Variants in LASP1 observed in about 807,000 individuals in gnomAD.
LASP1 encodes the protein LIM and SH3 domain protein 1.
A neutral mutation model predicts 38.6 loss-of-function variants in LASP1; 10 were observed. The ratio of observed to expected loss-of-function variants is 0.26; its 90% confidence interval spans 0.16 to 0.44. The LOEUF (loss-of-function observed/expected upper bound fraction) is 0.44. Among genes scored for constraint, LASP1 ranks in the 20% least tolerant of loss-of-function variants. The probability of loss-of-function intolerance (pLI) is 1.00; values close to 1 mark genes in which losing one functional copy is unlikely to be tolerated. For missense variants in LASP1, 243 were observed against 375.7 expected (o/e 0.65, Z 2.92); for synonymous variants, 132 against 140.8 (o/e 0.94, Z 0.44).
intron 2 of LASP1, among the ~76,000 whole-genome samples, chr17:38,887,962 T>A (rs1914192664): frequency 6.6e-6 from 1 of 151,860 alleles, no homozygotes. Context: ...TAGGAAGAGG[T>A]CCCAGGAGGC....
At chr17:38,882,287 G>A (rs1400388873) in intron 2 of LASP1, among the ~76,000 whole-genome samples, 7 of 152,132 alleles carry the variant, frequency 4.6e-5, no homozygotes, top group African/African-American at 1.2e-4. Flanking sequence ...AGTCTCTGTC[G>A]CTCAGGCTGG....
rs1338229522 is a variant in LASP1 at position 38,920,358 on chromosome 17, A to G, written c.*1580A>G. 2.0e-5 allele frequency: 7 copies of G among 349,328 alleles called. No individual in the cohort carries two copies. In the South Asian group the frequency reaches 2.7e-4, roughly 14 times the overall value. The allele number at this position is 349,328 out of a possible 1,614,324, so 21.6% of individuals were successfully genotyped here. ...CAAGAAAGAGGGTCCCAGGGCTGCA[A>G]AACTGGAAGCACAGCCTCGGGGATG... On this transcript the variant is annotated 3_prime_UTR_variant, in exon 7 of 7. Coordinates refer to ENST00000318008, the MANE Select transcript of LASP1 (RefSeq NM_006148.4).
At chr17:38,914,980 A>C (rs764866550) in intron 5 of LASP1, 63 bp from the exon 6 acceptor site, 1 of 1,502,552 alleles carries the variant, frequency 6.7e-7, no homozygotes, top group Non-Finnish European at 9.2e-7. Context: ...ACTTCTCGGG[A>C]GCTCTGGGAG....
intron 3 of LASP1, among the ~76,000 whole-genome samples, chr17:38,892,919 A>G (rs774686892): frequency 2.6e-5 from 4 of 152,088 alleles, no homozygotes; most frequent in Non-Finnish European, 5.9e-5. Context: ...GTCACTCTTC[A>G]TTAGGGCCTC....
Position 38,902,372 on chromosome 17 carries a change from C to CTTTT in LASP1, c.357+3873_357+3876dup, listed in dbSNP as rs34801327. 1.1e-4 allele frequency among the ~76,000 whole-genome samples: 9 copies of CTTTT among 84,288 alleles called. No homozygotes were observed. In the East Asian group the frequency reaches 1.5e-3, roughly 14 times the overall value. 55.3% of individuals were successfully genotyped at this position (84,288 alleles called of 152,430 possible). ...CACCTCACCTGGCCTCCCAGGGGAG[C>CTTTT]TTTTTTTTTTTTTTTTTTTTTTTAA... On this transcript the variant is annotated intron_variant, in intron 4 of 6. Transcript: ENST00000318008.
At chr17:38,896,482 A>G (rs1914495129) in intron 3 of LASP1, among the ~76,000 whole-genome samples, 1 of 151,946 alleles carries the variant, frequency 6.6e-6, no homozygotes, top group Non-Finnish European at 1.5e-5. Context: ...AGGGAGGGGG[A>G]GGCAGAAGCA....
chr17:38,914,606 TTGTG>T, intron 5 of LASP1, 131 bp downstream of exon 5: 3 of 1,210,338 alleles, frequency 2.5e-6, no homozygotes, highest in Non-Finnish European at 3.4e-6. Context: ...ATTATGCCTC[TTGTG>T]TGCAAGAGGG....
intron 4 of LASP1, among the ~76,000 whole-genome samples, chr17:38,908,785 A>G (rs1336454725): frequency 6.6e-6 from 1 of 152,210 alleles, no homozygotes; most frequent in Non-Finnish European, 1.5e-5. Flanking sequence ...AGCAGCAACC[A>G]TGCAGGTGTT....
chr17:38,917,062 C>T (rs999123900), intron 6 of LASP1, among the ~76,000 whole-genome samples: 5 of 152,098 alleles, frequency 3.3e-5, no homozygotes, highest in African/African-American at 1.2e-4. Context: ...TTGTGGGCCC[C>T]AGGAAGGCCT....
chr17:38,885,220 C>G (rs2143753866), intron 2 of LASP1, among the ~76,000 whole-genome samples: 1 of 152,270 alleles, frequency 6.6e-6, no homozygotes, highest in African/African-American at 2.4e-5. Flanking sequence ...GAGGAGAATG[C>G]CTTGGGCAAG....
rs575902605 is a variant in LASP1, at chr17:38,882,260, T to A, written c.164+4080T>A. Among the ~76,000 whole-genome samples, 3 of 152,286 alleles carry A rather than the reference T, an allele frequency of 2.0e-5. No individual in the cohort carries two copies. In the South Asian group the frequency reaches 6.2e-4, roughly 32 times the overall value. On this transcript the variant is annotated intron_variant, in intron 2 of 6. Transcript: ENST00000318008. ...AACTGCTAATAGAATTCTTTTTGTT[T>A]GTTTTTTTTGAGACGGAGTCTCTGT...
chr17:38,891,723 C>T (rs986984972), intron 3 of LASP1, among the ~76,000 whole-genome samples: 4 of 152,200 alleles, frequency 2.6e-5, no homozygotes, highest in Admixed American at 2.0e-4. Flanking sequence ...GTTTGTCTAA[C>T]CCAGGGACTA....
chr17:38,879,852 A>C (rs939374060), intron 2 of LASP1, among the ~76,000 whole-genome samples: 1 of 152,148 alleles, frequency 6.6e-6, no homozygotes. Context: ...TCCTGATAAA[A>C]ATCTCAAGCC....
intron 4 of LASP1, among the ~76,000 whole-genome samples, chr17:38,900,380 C>CAAAAAAAAAAAAAAAAAA: frequency 8.8e-6 from 1 of 113,560 alleles, no homozygotes; most frequent in Non-Finnish European, 1.8e-5. Context: ...ACCCTGTTTC[C>CAAAAAAAAAAAAAAAAAA]AAAAAAAAAA....
intron 4 of LASP1, among the ~76,000 whole-genome samples, chr17:38,910,096 A>T (rs189894648): frequency 2.6e-4 from 40 of 152,338 alleles, no homozygotes; most frequent in Admixed American, 6.5e-4. Flanking sequence ...TACAATATAC[A>T]TTCTATATTT....
chr17:38,889,317 G>C (rs1404058049), intron 2 of LASP1, among the ~76,000 whole-genome samples: 1 of 152,116 alleles, frequency 6.6e-6, no homozygotes, highest in African/African-American at 2.4e-5. Flanking sequence ...TTTTAGTGGA[G>C]ACCGGGGTTT....
At chr17:38,883,903 G>A (rs1415768872) in intron 2 of LASP1, among the ~76,000 whole-genome samples, 1 of 151,880 alleles carries the variant, frequency 6.6e-6, no homozygotes, top group East Asian at 1.9e-4. Flanking sequence ...TTAGGCCTGA[G>A]GGGATGGACG....
intron 2 of LASP1, among the ~76,000 whole-genome samples, chr17:38,888,598 A>C (rs547941338): frequency 6.6e-6 from 1 of 152,376 alleles, no homozygotes; most frequent in Non-Finnish European, 1.5e-5. Flanking sequence ...TTATTCAACA[A>C]ATATTTACTG....
At chr17:38,872,932 CAG>C (rs1293049860) in intron 1 of LASP1, among the ~76,000 whole-genome samples, 7 of 152,170 alleles carry the variant, frequency 4.6e-5, no homozygotes, top group Admixed American at 6.5e-5. Context: ...TTGCTGATGA[CAG>C]TGTTTGAGGA....
Sources: gnomAD v4.1 joint callset for allele counts (sites outside exome capture counted in the v4.1 genomes callset) on GRCh38, gnomAD v4.1.1 for gene constraint, MANE v1.5 for transcripts, NCBI Gene and HGNC (gene_info 2026-07-23, HGNC 2026-07-21) for gene names.